FNDC3B: variants seen among roughly 807,000 people sequenced by gnomAD.
The protein encoded by FNDC3B is fibronectin type III domain containing 3B.
In FNDC3B, 12 loss-of-function variants were observed where a neutral mutation model predicts 151.5. The observed-to-expected ratio is 0.08, with a 90% CI of 0.05 to 0.13. The LOEUF (loss-of-function observed/expected upper bound fraction) is 0.13. Ranked by LOEUF, FNDC3B falls within the 10% of genes least tolerant of loss-of-function variation. FNDC3B has a pLI of 1.00. For missense variants in FNDC3B, 1,214 were observed against 1,505.3 expected (o/e 0.81, Z 3.20); for synonymous variants, 528 against 549.0 (o/e 0.96, Z 0.54).
chr3:172,288,747 C>T (rs1406209395), intron 7 of FNDC3B, among the ~76,000 whole-genome samples: 3 of 152,170 alleles, frequency 2.0e-5, no homozygotes, highest in Admixed American at 1.3e-4. Context: ...CTACACCCTA[C>T]CTTTTAAGCA....
intron 3 of FNDC3B, among the ~76,000 whole-genome samples, chr3:172,165,620 A>G (rs996808282): frequency 2.0e-5 from 3 of 152,192 alleles, no homozygotes; most frequent in African/African-American, 7.2e-5. Flanking sequence ...TTCATACTGT[A>G]CTATACAGAG....
Position 172,267,796 on chromosome 3 carries a change from G to A in FNDC3B, c.790+16255G>A, listed in dbSNP as rs190285742. Among the ~76,000 whole-genome samples the A allele has an allele frequency of 5.7e-4, 87 of 152,254 alleles. 1 individual carries two copies. The highest frequency in any genetic ancestry group is 2.5e-3 in the East Asian group (13 of 5,192). On this transcript the variant is annotated intron_variant, in intron 6 of 25. Transcript: ENST00000415807. ...TAATCTTTAATGAATCTTATGTCCCGTAAATGTTAAATAGCCCTCAGGGAA... is the reference window on the plus strand; with the variant it reads ...TAATCTTTAATGAATCTTATGTCCCATAAATGTTAAATAGCCCTCAGGGAA...
At chr3:172,236,340 C>T (rs1045453324) in intron 4 of FNDC3B, among the ~76,000 whole-genome samples, 14 of 152,120 alleles carry the variant, frequency 9.2e-5, no homozygotes, top group African/African-American at 3.4e-4. Context: ...TCTTGTCACC[C>T]GTTTAGCCCA....
At position 172,100,155 on chromosome 3, in the gene FNDC3B, T is replaced by A. The variant is rs943281562; in HGVS notation, c.-28-12297T>A. Among the ~76,000 whole-genome samples the A allele has an allele frequency of 7.9e-5, 12 of 152,202 alleles. 1 individual carries two copies. ...ATTTAAAAAGATTTTTCTGGAAAAA[T>A]TTTAAAACCCGTTAATGAATTCCTT... On this transcript the variant is annotated intron_variant, in intron 1 of 25. Coordinates refer to ENST00000415807, the MANE Select transcript of FNDC3B (RefSeq NM_022763.4).
At chr3:172,194,732 G>A (rs1724738190) in intron 3 of FNDC3B, among the ~76,000 whole-genome samples, 1 of 152,218 alleles carries the variant, frequency 6.6e-6, no homozygotes, top group Non-Finnish European at 1.5e-5. Flanking sequence ...TTTCAGAGGT[G>A]AATCACAAGT....
chr3:172,191,425 C>CT (rs1344741637), intron 3 of FNDC3B, among the ~76,000 whole-genome samples: 1 of 152,188 alleles, frequency 6.6e-6, no homozygotes, highest in Non-Finnish European at 1.5e-5. Flanking sequence ...ATTCCCCATT[C>CT]TAGAGACAGG....
intron 25 of FNDC3B, among the ~76,000 whole-genome samples, chr3:172,393,293 T>C (rs1470629735): frequency 1.3e-5 from 2 of 152,116 alleles, no homozygotes; most frequent in Non-Finnish European, 2.9e-5. Context: ...AAAGAGACAT[T>C]ATATAATGAT....
chr3:172,068,609 G>C (rs896287634), intron 1 of FNDC3B, among the ~76,000 whole-genome samples: 1 of 151,974 alleles, frequency 6.6e-6, no homozygotes, highest in Non-Finnish European at 1.5e-5. Context: ...ATTTTTGGAA[G>C]AGATGGGGTT....
chr3:172,179,425 C>T (rs942628274), intron 3 of FNDC3B, among the ~76,000 whole-genome samples: 1 of 152,126 alleles, frequency 6.6e-6, no homozygotes, highest in Non-Finnish European at 1.5e-5. Flanking sequence ...GTGAATAAAA[C>T]ATTCATATTA....
At chr3:172,320,632 G>A (rs555474512) in intron 11 of FNDC3B, among the ~76,000 whole-genome samples, 6 of 152,314 alleles carry the variant, frequency 3.9e-5, no homozygotes, top group South Asian at 2.1e-4. Context: ...TAGTGCCAGC[G>A]GTGTTGGAAA....
rs150971965 is a variant in FNDC3B, at chr3:172,083,639, T to TCA, written c.-28-28812_-28-28811dup. ...GCAACTTCACAGAGAATACAAGACATCAGGTAGTTGTTAGGAAGCAAATTC... is the reference window on the plus strand; with the variant it reads ...GCAACTTCACAGAGAATACAAGACATCACAGGTAGTTGTTAGGAAGCAAATTC... On this transcript the variant is annotated intron_variant, in intron 1 of 25. Coordinates refer to ENST00000415807, the MANE Select transcript of FNDC3B (RefSeq NM_022763.4). Among the ~76,000 whole-genome samples the TCA allele has an allele frequency of 8.5e-3, 1,291 of 152,230 alleles. 15 individuals carry two copies. Among genetic ancestry groups the TCA allele is most frequent in the African/African-American group, 0.03 (1,233 of 41,534 alleles).
intron 6 of FNDC3B, among the ~76,000 whole-genome samples, chr3:172,263,586 G>GTTTTTTTTTTT (rs35762662): frequency 9.8e-6 from 1 of 102,210 alleles, no homozygotes. Context: ...GCTATCAAGT[G>GTTTTTTTTTTT]TTTTTTTTTT....
At chr3:172,289,182 C>A (rs554653761) in intron 7 of FNDC3B, among the ~76,000 whole-genome samples, 37 of 152,144 alleles carry the variant, frequency 2.4e-4, no homozygotes, top group Non-Finnish European at 4.0e-4. Flanking sequence ...TGTTTTCTTG[C>A]CTTTTCCAGT....
At chr3:172,288,364 C>T (rs987375109) in intron 7 of FNDC3B, among the ~76,000 whole-genome samples, 1 of 152,238 alleles carries the variant, frequency 6.6e-6, no homozygotes, top group African/African-American at 2.4e-5. Context: ...AGGTAACAGC[C>T]TGTCTGCAGG....
chr3:172,077,836 C>T (rs1422104185), intron 1 of FNDC3B, among the ~76,000 whole-genome samples: 2 of 152,080 alleles, frequency 1.3e-5, no homozygotes, highest in South Asian at 2.1e-4. Flanking sequence ...ATTATATTTT[C>T]GGCTTACAGC....
At chr3:172,039,832 C>T (rs1053755075) in intron 1 of FNDC3B, 61 bp downstream of exon 1, 33 of 152,458 alleles carry the variant, frequency 2.2e-4, no homozygotes, top group Admixed American at 1.6e-3. Context: ...ATCGCCGGGT[C>T]CCGGTGCACT....
chr3:172,133,660 G>A (rs1355728121), intron 3 of FNDC3B, 114 bp downstream of exon 3: 3 of 815,732 alleles, frequency 3.7e-6, no homozygotes, highest in Non-Finnish European at 6.6e-6. Flanking sequence ...GTATATCTTG[G>A]ATATTCATTT....
intron 23 of FNDC3B, among the ~76,000 whole-genome samples, chr3:172,373,783 C>T (rs769867376): frequency 1.4e-4 from 21 of 152,050 alleles, no homozygotes; most frequent in African/African-American, 4.8e-4. Flanking sequence ...TCACTGGCCC[C>T]GAAGAAGGAA....
At chr3:172,149,409 G>T (rs572032493) in intron 3 of FNDC3B, among the ~76,000 whole-genome samples, 2 of 152,216 alleles carry the variant, frequency 1.3e-5, no homozygotes, top group East Asian at 3.9e-4. Flanking sequence ...TTGATCAGGG[G>T]TTCAGTTTTC....
Sources: gnomAD v4.1 joint callset for allele counts (sites outside exome capture counted in the v4.1 genomes callset) on GRCh38, gnomAD v4.1.1 for gene constraint, MANE v1.5 for transcripts, NCBI Gene and HGNC (gene_info 2026-07-23, HGNC 2026-07-21) for gene names.